TRMT11: variants seen among roughly 807,000 people sequenced by gnomAD.
TRMT11 encodes tRNA methyltransferase 11, also known as tRNA (guanine(10)-N(2))-methyltransferase TRMT11.
Under a neutral mutation model 62.8 loss-of-function variants are expected in TRMT11, and 53 were observed. The ratio of observed to expected loss-of-function variants is 0.84; its 90% CI spans 0.68 to 1.06. TRMT11 has a LOEUF of 1.06. TRMT11 is among the 50% of genes least tolerant of loss of function. The probability of loss-of-function intolerance (pLI) is 0.00; values close to 1 mark genes in which losing one functional copy is unlikely to be tolerated. For missense variants in TRMT11, 556 were observed against 553.4 expected (o/e 1.00, Z -0.05); for synonymous variants, 188 against 190.3 (o/e 0.99, Z 0.10).
At chr6:126,187,672 T>A (rs899632663) in intron 1 of TRMT11, among the ~76,000 whole-genome samples, 1 of 151,996 alleles carries the variant, frequency 6.6e-6, no homozygotes, top group African/African-American at 2.4e-5. Flanking sequence ...CAAAGCAATC[T>A]TGGAAAAGAA....
intron 17 of TRMT11, among the ~76,000 whole-genome samples, chr6:126,064,635 G>C (rs1776634653): frequency 1.3e-5 from 2 of 151,308 alleles, no homozygotes. Flanking sequence ...GACAATTTAT[G>C]GCAAGATAAA....
chr6:126,119,418 G>A (rs771206673), intron 21 of TRMT11, among the ~76,000 whole-genome samples: 1 of 151,700 alleles, frequency 6.6e-6, no homozygotes, highest in Non-Finnish European at 1.5e-5. Context: ...CATAGTCCTG[G>A]GAAAGGTCCT....
chr6:126,080,145 AGG>A (rs1346963637), intron 17 of TRMT11, among the ~76,000 whole-genome samples: 1 of 152,120 alleles, frequency 6.6e-6, no homozygotes, highest in African/African-American at 2.4e-5. Flanking sequence ...TTTGTTACCC[AGG>A]CTGGAGTGCA....
At chr6:126,198,651 A>G (rs1361932167) in intron 1 of TRMT11, 1 of 152,234 alleles carries the variant, frequency 6.6e-6, no homozygotes, top group African/African-American at 2.4e-5. Flanking sequence ...CTCAGTTTAC[A>G]AAAGCTCTTC....
the TRMT11 span, among the ~76,000 whole-genome samples, chr6:126,241,896 C>T: frequency 1.3e-5 from 2 of 152,156 alleles, no homozygotes; most frequent in Non-Finnish European, 2.9e-5. Flanking sequence ...CCCTCTCTCA[C>T]CACTCCTATT....
At chr6:125,993,851 GA>G in intron 2 of TRMT11, 29 bp downstream of exon 2, 1 of 1,411,996 alleles carries the variant, frequency 7.1e-7, no homozygotes, top group Non-Finnish European at 1.0e-6. Flanking sequence ...AGACCATATG[GA>G]GTATACTTAG....
At chr6:126,065,101 C>T (rs1350415944) in intron 17 of TRMT11, among the ~76,000 whole-genome samples, 1 of 152,132 alleles carries the variant, frequency 6.6e-6, no homozygotes, top group Non-Finnish European at 1.5e-5. Flanking sequence ...ATCTCACTCA[C>T]AAAACGTGAA....
At chr6:126,036,279 A>C (rs1194003604) in intron 12 of TRMT11, among the ~76,000 whole-genome samples, 4 of 152,134 alleles carry the variant, frequency 2.6e-5, no homozygotes, top group African/African-American at 9.7e-5. Context: ...GGAAAGCCTG[A>C]GAATTATGGA....
At chr6:126,035,797 T>C (rs1322137207) in intron 12 of TRMT11, among the ~76,000 whole-genome samples, 1 of 152,150 alleles carries the variant, frequency 6.6e-6, no homozygotes, top group Non-Finnish European at 1.5e-5. Context: ...TCATTCCCAG[T>C]CTCTGACTCT....
chr6:126,205,311 T>A (rs1239865970), downstream of TRMT11, among the ~76,000 whole-genome samples: 1 of 152,184 alleles, frequency 6.6e-6, no homozygotes, highest in African/African-American at 2.4e-5. Context: ...AAGACCAGCC[T>A]GACCAACATG....
chr6:126,067,199 CAAA>C (rs778111134), intron 17 of TRMT11, among the ~76,000 whole-genome samples: 3 of 96,326 alleles, frequency 3.1e-5, no homozygotes, highest in African/African-American at 3.2e-5. Context: ...GACTCCTTCT[CAAA>C]AAAAAAAAAA....
intron 1 of TRMT11, among the ~76,000 whole-genome samples, chr6:126,189,575 A>G (rs1400790871): frequency 6.6e-6 from 1 of 152,162 alleles, no homozygotes; most frequent in Non-Finnish European, 1.5e-5. Flanking sequence ...GGTTAAGGAA[A>G]ATGGAGCACC....
chr6:126,054,300 C>G (rs1776307496), intron 17 of TRMT11, among the ~76,000 whole-genome samples: 1 of 152,204 alleles, frequency 6.6e-6, no homozygotes, highest in African/African-American at 2.4e-5. Context: ...ATGCTGTCTT[C>G]TAAGTTGGGT....
intron 16 of TRMT11, among the ~76,000 whole-genome samples, chr6:126,049,040 A>G (rs535606110): frequency 5.3e-5 from 8 of 152,318 alleles, no homozygotes; most frequent in African/African-American, 1.9e-4. Context: ...TACAGTCAAG[A>G]CATTTGACAG....
At chr6:126,206,081 A>T (rs914193509), downstream of TRMT11, among the ~76,000 whole-genome samples, 1 of 152,142 alleles carries the variant, frequency 6.6e-6, no homozygotes, top group Non-Finnish European at 1.5e-5. Flanking sequence ...TTTTCTTTTT[A>T]GGATTTGTTT....
chr6:125,997,350 CTG>C (rs1438529173), intron 3 of TRMT11, among the ~76,000 whole-genome samples: 3 of 152,102 alleles, frequency 2.0e-5, no homozygotes, highest in East Asian at 1.9e-4. Flanking sequence ...TCAAATTTTT[CTG>C]TGTTAGAAGG....
At chr6:125,991,307 A>G (rs987793382) in intron 1 of TRMT11, among the ~76,000 whole-genome samples, 8 of 151,960 alleles carry the variant, frequency 5.3e-5, no homozygotes, top group Non-Finnish European at 1.0e-4. Flanking sequence ...GCTACAGTGC[A>G]GTGGCGTGAC....
the TRMT11 span, among the ~76,000 whole-genome samples, chr6:126,231,757 G>T: frequency 6.6e-6 from 1 of 152,214 alleles, no homozygotes; most frequent in Admixed American, 6.5e-5. Context: ...GAGGGGGAAT[G>T]TCTACCTATG....
chr6:126,078,352 A>G (rs1275370248), intron 17 of TRMT11, among the ~76,000 whole-genome samples: 1 of 151,894 alleles, frequency 6.6e-6, no homozygotes, highest in Non-Finnish European at 1.5e-5. Flanking sequence ...ATCCTTAATT[A>G]TCAGTCATCT....
Sources: gnomAD v4.1 joint callset for allele counts (sites outside exome capture counted in the v4.1 genomes callset) on GRCh38, gnomAD v4.1.1 for gene constraint, MANE v1.5 for transcripts, NCBI Gene and HGNC (gene_info 2026-07-23, HGNC 2026-07-21) for gene names.